LRBA: variants seen among roughly 807,000 people sequenced by gnomAD.
LRBA encodes lipopolysaccharide-responsive and beige-like anchor protein.
LRBA carries 176 observed loss-of-function variants against 330.0 expected under a neutral mutation model. The observed-to-expected ratio is 0.53, with a 90% CI of 0.47 to 0.60. LRBA has a LOEUF of 0.60. Ranked by LOEUF, LRBA falls within the 20% of genes least tolerant of loss-of-function variation. The probability of loss-of-function intolerance (pLI) is 0.00; values close to 1 mark genes in which losing one functional copy is unlikely to be tolerated. For missense variants in LRBA, 3,259 were observed against 3,444.8 expected (o/e 0.95, Z 1.35); for synonymous variants, 1,230 against 1,193.0 (o/e 1.03, Z -0.64).
chr4:150,918,124 A>G (rs1261654773), intron 5 of LRBA, among the ~76,000 whole-genome samples: 1 of 152,138 alleles, frequency 6.6e-6, no homozygotes, highest in African/African-American at 2.4e-5. Context: ...ATTGGACTTT[A>G]TTAAAATTAA....
chr4:151,007,699 T>A (rs1327088286), intron 2 of LRBA, among the ~76,000 whole-genome samples: 1 of 146,640 alleles, frequency 6.8e-6, no homozygotes, highest in Non-Finnish European at 1.5e-5. Flanking sequence ...CTACTAAAAA[T>A]ACAAAAAATT....
intron 37 of LRBA, among the ~76,000 whole-genome samples, chr4:150,660,639 G>A (rs1310296961): frequency 2.1e-5 from 3 of 139,730 alleles, no homozygotes; most frequent in African/African-American, 7.7e-5. Flanking sequence ...CGGGAAAGGC[G>A]GGGAAAAGAT....
chr4:150,503,925 ACG>A (rs1298239600), intron 40 of LRBA, among the ~76,000 whole-genome samples: 1 of 152,226 alleles, frequency 6.6e-6, no homozygotes, highest in African/African-American at 2.4e-5. Context: ...AAACCAAGGC[ACG>A]AGAACTAGGT....
rs554455149 is a variant in LRBA, at chr4:150,478,394, T to A, written c.6552-6655A>T. The stretch of plus-strand genomic sequence containing the variant: ...TATACAAATACTGTTCGTCCATTAT[T>A]CCTAATCCCAGTAAATGCCACTGAG... On this transcript the variant is annotated intron_variant, in intron 42 of 56. Coordinates refer to ENST00000651943, the MANE Select transcript of LRBA (RefSeq NM_001364905.1). Among the ~76,000 whole-genome samples, 4 of 152,296 alleles carry A rather than the reference T, an allele frequency of 2.6e-5. No homozygotes were observed. In the South Asian group the frequency reaches 8.3e-4, roughly 32 times the overall value.
At chr4:150,889,039 G>A (rs555671436) in intron 17 of LRBA, among the ~76,000 whole-genome samples, 1 of 152,138 alleles carries the variant, frequency 6.6e-6, no homozygotes, top group Non-Finnish European at 1.5e-5. Context: ...ATGTAGGAAA[G>A]AACTGTATTC....
In LRBA at chr4:150,301,492, T is replaced by C. The variant is rs1310172605; in HGVS notation, c.8017+1133A>G. Among the ~76,000 whole-genome samples the C allele has an allele frequency of 2.0e-5, 3 of 152,128 alleles. No individual in the cohort carries two copies. The East Asian group carries it at 5.8e-4, about 29-fold the overall frequency. ...ACGTTCATTGAATAAAAACTGTATT[T>C]ACCTATCACATCAAAGTCTATAATG... is the stretch of plus-strand genomic sequence containing the variant. On this transcript the variant is annotated intron_variant, in intron 53 of 56. Coordinates refer to ENST00000651943, the MANE Select transcript of LRBA (RefSeq NM_001364905.1).
chr4:150,577,036 T>C (rs942817930), intron 40 of LRBA, among the ~76,000 whole-genome samples: 2 of 151,982 alleles, frequency 1.3e-5, no homozygotes, highest in African/African-American at 4.8e-5. Context: ...TATGGTGAAC[T>C]GTTCAAGGCA....
At chr4:150,866,477 C>T (rs1350291719) in intron 22 of LRBA, among the ~76,000 whole-genome samples, 2 of 152,164 alleles carry the variant, frequency 1.3e-5, no homozygotes, top group Non-Finnish European at 2.9e-5. Context: ...TTTTTAAACT[C>T]CAGCCATACC....
chr4:150,590,412 A>G (rs1312103913), intron 39 of LRBA, among the ~76,000 whole-genome samples: 5 of 151,128 alleles, frequency 3.3e-5, no homozygotes, highest in Non-Finnish European at 7.4e-5. Context: ...CTTACTTTAC[A>G]GAGATTTGGT....
chr4:150,391,188 G>C (rs1027809286), intron 47 of LRBA, among the ~76,000 whole-genome samples: 1 of 152,064 alleles, frequency 6.6e-6, no homozygotes, highest in African/African-American at 2.4e-5. Flanking sequence ...GTGGATATAC[G>C]GGGTGACTGC....
chr4:150,941,998 A>C (rs1735724035), intron 2 of LRBA, among the ~76,000 whole-genome samples: 1 of 152,358 alleles, frequency 6.6e-6, no homozygotes, highest in Admixed American at 6.5e-5. Context: ...GATACTATAT[A>C]AAAGAAAAAG....
At chr4:150,380,646 TA>T (rs1742076229) in intron 47 of LRBA, among the ~76,000 whole-genome samples, 1 of 152,106 alleles carries the variant, frequency 6.6e-6, no homozygotes, top group African/African-American at 2.4e-5. Context: ...GATGTCTACT[TA>T]TTATTTTCTC....
At chr4:150,548,285 T>C (rs536557981) in intron 40 of LRBA, among the ~76,000 whole-genome samples, 1 of 152,208 alleles carries the variant, frequency 6.6e-6, no homozygotes, top group African/African-American at 2.4e-5. Context: ...GTAGTACTTT[T>C]GTCTTCTGTC....
intron 47 of LRBA, among the ~76,000 whole-genome samples, chr4:150,373,794 G>A (rs1740821847): frequency 6.6e-6 from 1 of 151,964 alleles, no homozygotes; most frequent in Non-Finnish European, 1.5e-5. Context: ...ATTGCATAAT[G>A]TTTATATTTC....
intron 47 of LRBA, among the ~76,000 whole-genome samples, chr4:150,355,527 T>C (rs1737721903): frequency 6.6e-6 from 1 of 152,064 alleles, no homozygotes; most frequent in African/African-American, 2.4e-5. Context: ...TTATACACTT[T>C]TTATAACCAG....
At chr4:150,652,250 T>TC (rs1189939967) in intron 37 of LRBA, among the ~76,000 whole-genome samples, 1 of 152,074 alleles carries the variant, frequency 6.6e-6, no homozygotes, top group Non-Finnish European at 1.5e-5. Context: ...TCTTCCCCTT[T>TC]CCCCCACCTC....
intron 47 of LRBA, among the ~76,000 whole-genome samples, chr4:150,405,076 T>A (rs1036558872): frequency 6.6e-6 from 1 of 152,126 alleles, no homozygotes; most frequent in Non-Finnish European, 1.5e-5. Flanking sequence ...AACCCAGCCA[T>A]ATATGCATTA....
intron 17 of LRBA, among the ~76,000 whole-genome samples, chr4:150,880,910 C>T (rs370920093): frequency 2.0e-5 from 3 of 152,240 alleles, no homozygotes; most frequent in South Asian, 4.1e-4. Context: ...AGAAGACATA[C>T]AAGCAGGCAA....
chr4:150,422,657 G>A (rs376317603), intron 46 of LRBA: 2 of 645,398 alleles, frequency 3.1e-6, no homozygotes, highest in African/African-American at 3.6e-5. Flanking sequence ...AGAAGAACTG[G>A]CACTGCTCCG....
Sources: gnomAD v4.1 joint callset for allele counts (sites outside exome capture counted in the v4.1 genomes callset) on GRCh38, gnomAD v4.1.1 for gene constraint, MANE v1.5 for transcripts, NCBI Gene and HGNC (gene_info 2026-07-23, HGNC 2026-07-21) for gene names.